SLC6A5: variants seen among roughly 807,000 people sequenced by gnomAD.
SLC6A5 encodes the protein sodium- and chloride-dependent glycine transporter 2.
In SLC6A5, 58 loss-of-function variants were observed where a neutral mutation model predicts 90.5. The observed-to-expected ratio is 0.64, with a 90% CI of 0.52 to 0.80. SLC6A5 has a LOEUF of 0.80. Ranked by LOEUF, SLC6A5 falls within the 30% of genes least tolerant of loss-of-function variation. SLC6A5 has a pLI of 0.00. For missense variants in SLC6A5, 1,015 were observed against 1,017.6 expected (o/e 1.00, Z 0.03); for synonymous variants, 427 against 401.4 (o/e 1.06, Z -0.76).
At position 20,599,640 on chromosome 11, in the gene SLC6A5, C is replaced by T. The variant is rs76857783; in HGVS notation, c.-33C>T. The stretch of plus-strand genomic sequence containing the variant: ...AGTCTTGTCAATAGCGGGTTTCACC[C>T]TCCACCAGTTCAGTCTGTTGCCTGT... On this transcript the variant is annotated 5_prime_UTR_variant, in exon 1 of 16. Transcript: ENST00000525748. The T allele has an allele frequency of 0.098, 157,724 of 1,613,326 alleles. 8,349 individuals carry two copies. The highest frequency in any genetic ancestry group is 0.13 in the Middle Eastern group (793 of 6,062).
At chr11:20,613,107 T>G (rs1852723619) in intron 5 of SLC6A5, among the ~76,000 whole-genome samples, 1 of 152,206 alleles carries the variant, frequency 6.6e-6, no homozygotes, top group South Asian at 2.1e-4. Flanking sequence ...CCTAAGTCAT[T>G]GATTCCAAAG....
intron 15 of SLC6A5, 51 bp from the exon 16 acceptor site, chr11:20,654,662 G>A: frequency 6.2e-7 from 1 of 1,601,732 alleles, no homozygotes; most frequent in Non-Finnish European, 8.6e-7. Flanking sequence ...GTCCCCAGGT[G>A]AGGAAGGTGC....
At chr11:20,624,793 C>A (rs1852960493) in intron 7 of SLC6A5, among the ~76,000 whole-genome samples, 1 of 152,196 alleles carries the variant, frequency 6.6e-6, no homozygotes, top group Non-Finnish European at 1.5e-5. Flanking sequence ...ATGTAGCCTA[C>A]CTGTGAGTCG....
intron 5 of SLC6A5, among the ~76,000 whole-genome samples, chr11:20,614,136 A>C (rs760932701): frequency 6.6e-6 from 1 of 152,174 alleles, no homozygotes; most frequent in Non-Finnish European, 1.5e-5. Context: ...GGTGCCAGGC[A>C]GTGGGTCCAA....
intron 13 of SLC6A5, among the ~76,000 whole-genome samples, chr11:20,645,275 G>C (rs1260234820): frequency 6.6e-6 from 1 of 152,122 alleles, no homozygotes; most frequent in Non-Finnish European, 1.5e-5. Context: ...TACAGGACCA[G>C]GAAGGATAAG....
intron 3 of SLC6A5, 116 bp downstream of exon 3, chr11:20,604,540 T>G: frequency 1.5e-6 from 2 of 1,294,244 alleles, no homozygotes; most frequent in Non-Finnish European, 2.2e-6. Context: ...ACAGCCTCCT[T>G]AGGCTCCAGC....
intron 5 of SLC6A5, among the ~76,000 whole-genome samples, chr11:20,608,942 CTCTCTCTCTCTCTCTCTGTG>C (rs1347176591): frequency 3.2e-4 from 38 of 117,916 alleles, no homozygotes; most frequent in Middle Eastern, 4.0e-3. Flanking sequence ...CTCTCTCTCT[CTCTCTCTCTCTCTCTCTGTG>C]TGTGTGTGTG....
rs571083175 is a variant in SLC6A5 at position 20,629,479 on chromosome 11, T to C, written c.1500-1212T>C. On this transcript the variant is annotated intron_variant, in intron 9 of 15. Transcript: ENST00000525748. The stretch of plus-strand genomic sequence containing the variant: ...AATGCCATAGACTGAGTAATATTTT[T>C]TCTTTATACGTTTTTTGCTTTTATT... 1.3e-5 allele frequency among the ~76,000 whole-genome samples: 2 copies of C among 152,344 alleles called. 1 individual carries two copies. Among genetic ancestry groups the C allele is most frequent in the South Asian group, 4.1e-4 (2 of 4,828 alleles).
rs4923409 is a variant in SLC6A5 at position 20,610,527 on chromosome 11, C to A, written c.985+2875C>A. Among the ~76,000 whole-genome samples, 4,479 of 152,234 alleles carry A rather than the reference C, an allele frequency of 0.029. 476 individuals are homozygous for A. In the East Asian group the frequency reaches 0.35, roughly 12 times the overall value. ...TTGCCCTCGTGTTAGTGATCTCTCC[C>A]GTCTTGGGTGGACGTAATGTTTGGC... On this transcript the variant is annotated intron_variant, in intron 5 of 15. Coordinates refer to ENST00000525748, the MANE Select transcript of SLC6A5 (RefSeq NM_004211.5).
chr11:20,616,421 C>T lies in SLC6A5; in HGVS notation c.1128-1331C>T, dbSNP rs193256095. Among the ~76,000 whole-genome samples the T allele has an allele frequency of 3.7e-4, 56 of 152,262 alleles. 1 individual carries two copies. Among genetic ancestry groups the T allele is most frequent in the African/African-American group, 1.3e-3 (55 of 41,554 alleles). ...GTGTACTAAAAAGTGATTTGCAAAC[C>T]TGCTTTTGATGGCCTTTACTAATCC... On this transcript the variant is annotated intron_variant, in intron 6 of 15. Coordinates refer to ENST00000525748, the MANE Select transcript of SLC6A5 (RefSeq NM_004211.5).
At chr11:20,647,518 T>C (rs1853444177) in intron 14 of SLC6A5, among the ~76,000 whole-genome samples, 1 of 149,310 alleles carries the variant, frequency 6.7e-6, no homozygotes, top group African/African-American at 2.5e-5. Context: ...GAACATTTCC[T>C]ATGGCACATT....
chr11:20,608,132 G>C (rs1852619118), intron 5 of SLC6A5, among the ~76,000 whole-genome samples: 1 of 152,190 alleles, frequency 6.6e-6, no homozygotes, highest in South Asian at 2.1e-4. Context: ...CTAATTCCTA[G>C]AGTCCAGGAG....
intron 13 of SLC6A5, among the ~76,000 whole-genome samples, chr11:20,643,907 G>A (rs1159577673): frequency 1.3e-5 from 2 of 152,314 alleles, no homozygotes; most frequent in Admixed American, 6.5e-5. Context: ...TTGGTAGGAA[G>A]TAAAAGCAAA....
At chr11:20,647,473 A>G (rs1351153858) in intron 14 of SLC6A5, among the ~76,000 whole-genome samples, 2 of 138,838 alleles carry the variant, frequency 1.4e-5, no homozygotes, top group East Asian at 4.5e-4. Flanking sequence ...TTATATATAT[A>G]TCAGTTCCTA....
At chr11:20,648,415 T>C (rs1475918584) in intron 14 of SLC6A5, among the ~76,000 whole-genome samples, 5 of 152,218 alleles carry the variant, frequency 3.3e-5, no homozygotes, top group Non-Finnish European at 7.3e-5. Flanking sequence ...GATCTCCCTC[T>C]GCGTTGACAT....
rs761711107 is a variant in SLC6A5 at position 20,604,363 on chromosome 11, G to A, written c.618G>A (p.Gly206=). The change falls in exon 3 of 16, where the codon GGG becomes GGA. Residue 206 remains glycine, a synonymous_variant. Coordinates refer to ENST00000525748, the MANE Select transcript of SLC6A5 (RefSeq NM_004211.5). ...SKLDFILSMV[G]YAVGLGNVWR... ...TGGACTTCATCCTGTCCATGGTGGG[G>A]TACGCAGTGGGGCTGGGCAATGTCT... 1.9e-6 allele frequency: 3 copies of A among 1,614,138 alleles called. No homozygotes were observed. The highest frequency in any genetic ancestry group is 2.5e-6 in the Non-Finnish European group (3 of 1,179,994).
In SLC6A5 at chr11:20,625,188, C is replaced by T. The variant is rs147013289; in HGVS notation, c.1261-1520C>T. On this transcript the variant is annotated intron_variant, in intron 7 of 15. Coordinates refer to ENST00000525748, the MANE Select transcript of SLC6A5 (RefSeq NM_004211.5). ...CACCTTGAGGTTTGATGGACAGGTA[C>T]GGAAGGAAAGGTCCTCCTACCTACC... Among the ~76,000 whole-genome samples the T allele has an allele frequency of 2.5e-3, 376 of 152,252 alleles. 2 individuals carry two copies. Among genetic ancestry groups the T allele is most frequent in the African/African-American group, 8.1e-3 (337 of 41,544 alleles).
intron 14 of SLC6A5, among the ~76,000 whole-genome samples, chr11:20,647,424 T>C (rs1590181530): frequency 8.6e-6 from 1 of 116,126 alleles, no homozygotes; most frequent in Non-Finnish European, 1.8e-5. Flanking sequence ...ATTCCTATTA[T>C]ATAGTTCCTA....
intron 15 of SLC6A5, 105 bp downstream of exon 15, chr11:20,652,561 G>A (rs1853563117): frequency 1.7e-6 from 2 of 1,154,946 alleles, no homozygotes; most frequent in East Asian, 4.7e-5. Flanking sequence ...TCAAGAGGGA[G>A]ACTTGGTGAT....
Sources: allele counts gnomAD v4.1 joint callset (sites outside exome capture counted in the v4.1 genomes callset), GRCh38; gene constraint gnomAD v4.1.1; transcripts MANE v1.5; gene names NCBI Gene and HGNC (gene_info 2026-07-23, HGNC 2026-07-21).